CHCHD6: variants seen among roughly 807,000 people sequenced by gnomAD.
The protein encoded by CHCHD6 is coiled-coil-helix-coiled-coil-helix domain containing 6, also known as MICOS complex subunit MIC25.
In CHCHD6, 28 loss-of-function variants were observed where a neutral mutation model predicts 32.3. That is an observed-to-expected ratio of 0.87 (90% CI 0.64 to 1.19). The LOEUF is 1.19. CHCHD6 is among the 50% of genes most tolerant of loss of function. The pLI, the probability that CHCHD6 is intolerant of heterozygous loss-of-function variation, is 0.00. For missense variants in CHCHD6, 333 were observed against 307.0 expected (o/e 1.08, Z -0.63); for synonymous variants, 122 against 117.5 (o/e 1.04, Z -0.25).
At position 126,870,646 on chromosome 3, in the gene CHCHD6, G is replaced by A. The variant is rs546403482; in HGVS notation, c.495+17916G>A. 3.3e-5 allele frequency among the ~76,000 whole-genome samples: 5 copies of A among 152,312 alleles called. No homozygotes were observed. In the South Asian group the frequency reaches 1.0e-3, roughly 32 times the overall value. On this transcript the variant is annotated intron_variant, in intron 5 of 7. Coordinates refer to ENST00000290913, the MANE Select transcript of CHCHD6 (RefSeq NM_032343.3). ...CTCGGGCCACCTTAGTGTGCACACT[G>A]GGAAGCCACATTCCCACATTCTGCA...
intron 5 of CHCHD6, among the ~76,000 whole-genome samples, chr3:126,890,240 C>G (rs747058323): frequency 1.1e-4 from 17 of 152,240 alleles, no homozygotes; most frequent in Non-Finnish European, 1.9e-4. Flanking sequence ...AATAGCTGAA[C>G]AAGGGCTGGA....
chr3:126,707,757 G>A (rs1223114871), intron 1 of CHCHD6, among the ~76,000 whole-genome samples: 1 of 152,220 alleles, frequency 6.6e-6, no homozygotes, highest in Non-Finnish European at 1.5e-5. Context: ...ACGGTGGAGG[G>A]GAAGATCAAG....
chr3:126,800,150 A>C (rs1424525796), intron 4 of CHCHD6, among the ~76,000 whole-genome samples: 1 of 152,198 alleles, frequency 6.6e-6, no homozygotes, highest in Non-Finnish European at 1.5e-5. Context: ...TGCACATTTA[A>C]AATTGTGATA....
chr3:126,803,339 A>T (rs900850413), intron 4 of CHCHD6, among the ~76,000 whole-genome samples: 4 of 152,190 alleles, frequency 2.6e-5, no homozygotes, highest in African/African-American at 2.4e-5. Flanking sequence ...GCAGAGACAC[A>T]CATAGGCTCA....
At chr3:126,790,778 T>G (rs551737063) in intron 4 of CHCHD6, among the ~76,000 whole-genome samples, 2 of 152,296 alleles carry the variant, frequency 1.3e-5, no homozygotes, top group Admixed American at 6.5e-5. Flanking sequence ...ACTTCCTCCT[T>G]TAGCTCAGAG....
intron 6 of CHCHD6, among the ~76,000 whole-genome samples, chr3:126,939,921 G>A (rs924098581): frequency 3.7e-4 from 56 of 152,272 alleles, no homozygotes; most frequent in African/African-American, 1.2e-3. Flanking sequence ...GATGACGTGT[G>A]TGTGCATATA....
At chr3:126,827,804 G>A (rs1940462922) in intron 4 of CHCHD6, among the ~76,000 whole-genome samples, 1 of 152,274 alleles carries the variant, frequency 6.6e-6, no homozygotes, top group Admixed American at 6.5e-5. Context: ...AGCAAGGTGG[G>A]GCAGGGGTGG....
chr3:126,754,750 G>A (rs1439234892), intron 4 of CHCHD6, among the ~76,000 whole-genome samples: 1 of 152,178 alleles, frequency 6.6e-6, no homozygotes, highest in Admixed American at 6.5e-5. Flanking sequence ...GATGAATTTT[G>A]TTTTTAGTCC....
chr3:126,825,285 A>G (rs888654595), intron 4 of CHCHD6, among the ~76,000 whole-genome samples: 16 of 152,174 alleles, frequency 1.1e-4, no homozygotes, highest in Non-Finnish European at 1.2e-4. Context: ...TATACATTGT[A>G]TGATTTCAGA....
chr3:126,869,963 T>G (rs2077443125), intron 5 of CHCHD6, among the ~76,000 whole-genome samples: 1 of 152,238 alleles, frequency 6.6e-6, no homozygotes, highest in Admixed American at 6.5e-5. Context: ...GAAGGCACTT[T>G]CAGGATGTTT....
Position 126,823,840 on chromosome 3 carries a change from A to G in CHCHD6, c.412-28807A>G, listed in dbSNP as rs191592931. On this transcript the variant is annotated intron_variant, in intron 4 of 7. Transcript: ENST00000290913. ...GGCAGGAGGATTGCTTGAGCCCAGG[A>G]GTTTGAGACCAGTTGGGCAACATAG... Among the ~76,000 whole-genome samples, 86 of 152,226 alleles carry G rather than the reference A, an allele frequency of 5.6e-4. 1 individual carries two copies. The highest frequency in any genetic ancestry group is 2.0e-3 in the African/African-American group (85 of 41,514).
At chr3:126,726,594 TG>T (rs1180318376) in intron 1 of CHCHD6, among the ~76,000 whole-genome samples, 4 of 151,768 alleles carry the variant, frequency 2.6e-5, no homozygotes, top group Non-Finnish European at 5.9e-5. Flanking sequence ...TAAAGAGAAA[TG>T]TGATAGAAGG....
rs921972317 is a variant in CHCHD6, at chr3:126,864,498, C to A, written c.495+11768C>A. ...TCCATCACCACCAGCTGCACCATCA[C>A]CACCATCACCTCCTCTTCCACCTCC... On this transcript the variant is annotated intron_variant, in intron 5 of 7. Transcript: ENST00000290913. Among the ~76,000 whole-genome samples the A allele has an allele frequency of 1.3e-5, 2 of 150,224 alleles. 1 individual carries two copies. The highest frequency in any genetic ancestry group is 4.3e-4 in the South Asian group (2 of 4,658).
intron 1 of CHCHD6, among the ~76,000 whole-genome samples, chr3:126,720,753 T>G (rs1019682249): frequency 1.3e-5 from 2 of 152,132 alleles, no homozygotes; most frequent in Non-Finnish European, 2.9e-5. Context: ...GAGAAAGATG[T>G]TCCACGTTGC....
At chr3:126,933,252 G>A (rs1023704107) in intron 6 of CHCHD6, among the ~76,000 whole-genome samples, 7 of 152,088 alleles carry the variant, frequency 4.6e-5, no homozygotes, top group South Asian at 2.1e-4. Context: ...TGTAGGGGTC[G>A]TTTGTTCCCC....
chr3:126,788,370 C>T (rs192408364), intron 4 of CHCHD6, among the ~76,000 whole-genome samples: 8,671 of 152,200 alleles, frequency 0.057, 786 homozygotes, highest in African/African-American at 0.19. Flanking sequence ...CCCTCTTTTT[C>T]TATTGATTGG....
intron 6 of CHCHD6, among the ~76,000 whole-genome samples, chr3:126,945,987 C>T (rs1319119680): frequency 6.6e-6 from 1 of 152,028 alleles, no homozygotes; most frequent in African/African-American, 2.4e-5. Flanking sequence ...GGTGACAGCT[C>T]CCTGCTTTGT....
chr3:126,887,226 C>G (rs950910430), intron 5 of CHCHD6, among the ~76,000 whole-genome samples: 3 of 151,936 alleles, frequency 2.0e-5, no homozygotes, highest in Non-Finnish European at 4.4e-5. Context: ...TGACGTCAGA[C>G]AAGCTACTTA....
chr3:126,950,827 G>A (rs1181297066), intron 6 of CHCHD6, among the ~76,000 whole-genome samples: 1 of 152,236 alleles, frequency 6.6e-6, no homozygotes, highest in Non-Finnish European at 1.5e-5. Context: ...GTGTTCAGAA[G>A]CTTGTCATGG....
Sources: gnomAD v4.1 joint callset for allele counts (sites outside exome capture counted in the v4.1 genomes callset) on GRCh38, gnomAD v4.1.1 for gene constraint, MANE v1.5 for transcripts, NCBI Gene and HGNC (gene_info 2026-07-23, HGNC 2026-07-21) for gene names.